Variants in SYCP2 observed in about 807,000 individuals in gnomAD.
The protein encoded by SYCP2 is synaptonemal complex protein 2.
Under a neutral mutation model 211.3 loss-of-function variants are expected in SYCP2, and 55 were observed. That is an observed-to-expected ratio of 0.26 (90% CI 0.21 to 0.33). The LOEUF is 0.33. SYCP2 is among the 10% of genes least tolerant of loss of function. The probability of loss-of-function intolerance (pLI) is 1.00; values close to 1 mark genes in which losing one functional copy is unlikely to be tolerated. For missense variants in SYCP2, 1,731 were observed against 1,752.0 expected, an observed-to-expected ratio of 0.99 and a Z score of 0.21; for synonymous variants, 570 against 555.2, an observed-to-expected ratio of 1.03 and a Z score of -0.37.
At chr20:59,903,865 C>T (rs1173567856) in intron 15 of SYCP2, among the ~76,000 whole-genome samples, 3 of 152,160 alleles carry the variant, frequency 2.0e-5, no homozygotes, top group Admixed American at 2.0e-4. Context: ...TGGAGACTTC[C>T]ACTTCTGGGG....
At chr20:59,928,535 T>C (rs772228323) in intron 2 of SYCP2, among the ~76,000 whole-genome samples, 2 of 152,104 alleles carry the variant, frequency 1.3e-5, no homozygotes, top group Non-Finnish European at 2.9e-5. Context: ...TTTTAAAATA[T>C]TAGAGAAGAA....
chr20:59,916,450 A>AT (rs1462775327), intron 8 of SYCP2, 36 bp downstream of exon 8: 1 of 1,280,066 alleles, frequency 7.8e-7, no homozygotes, highest in Non-Finnish European at 1.1e-6. Context: ...TCACGTTCTC[A>AT]TTTTTAGTTT....
intron 14 of SYCP2, among the ~76,000 whole-genome samples, chr20:59,909,023 C>G (rs981712955): frequency 2.0e-5 from 3 of 152,114 alleles, no homozygotes; most frequent in African/African-American, 7.2e-5. Context: ...TTTATTTAAC[C>G]TCCCCTCTCA....
At chr20:59,890,866 G>A (rs2059893003) in intron 24 of SYCP2, among the ~76,000 whole-genome samples, 1 of 151,708 alleles carries the variant, frequency 6.6e-6, no homozygotes, top group African/African-American at 2.4e-5. Context: ...CGGACAAAAA[G>A]AACCTTATTT....
chr20:59,923,839 G>C (rs1202733416), intron 2 of SYCP2, among the ~76,000 whole-genome samples: 1 of 151,146 alleles, frequency 6.6e-6, no homozygotes, highest in Non-Finnish European at 1.5e-5. Context: ...GAGAGAGAGA[G>C]AGAAACAGAA....
At chr20:59,915,635 A>G in intron 8 of SYCP2, 85 bp from the exon 9 acceptor site, 4 of 866,084 alleles carry the variant, frequency 4.6e-6, no homozygotes, top group East Asian at 2.5e-5. Flanking sequence ...TAAACTTAGA[A>G]GCCTAATTTT....
chr20:59,878,415 TTATGA>T (rs1293779163), intron 31 of SYCP2, among the ~76,000 whole-genome samples: 2 of 152,188 alleles, frequency 1.3e-5, no homozygotes, highest in Non-Finnish European at 2.9e-5. Flanking sequence ...AAAGTGTTTC[TTATGA>T]TATGAATTGC....
intron 31 of SYCP2, 23 bp downstream of exon 31, chr20:59,880,280 T>G: frequency 1.9e-6 from 3 of 1,540,548 alleles, no homozygotes; most frequent in Non-Finnish European, 2.6e-6. Context: ...TTTGCAACAT[T>G]TATCCAAAAG....
intron 1 of SYCP2, among the ~76,000 whole-genome samples, chr20:59,932,905 G>A (rs975540289): frequency 6.6e-6 from 1 of 152,100 alleles, no homozygotes; most frequent in Non-Finnish European, 1.5e-5. Flanking sequence ...GCAGGAGGAA[G>A]GTTTTGCGCG....
chr20:59,865,349 A>C (rs368930541), intron 44 of SYCP2, 39 bp downstream of exon 44: 8 of 1,511,474 alleles, frequency 5.3e-6, no homozygotes, highest in Non-Finnish European at 7.2e-6. Context: ...AAAAGACATT[A>C]AAGTATGATT....
At chr20:59,907,686 ATATT>A (rs549503482) in intron 14 of SYCP2, among the ~76,000 whole-genome samples, 13 of 152,178 alleles carry the variant, frequency 8.5e-5, no homozygotes, top group African/African-American at 2.9e-4. Context: ...TGTTAATATT[ATATT>A]TATTAGAGGA....
chr20:59,914,698 TTTAAG>T (rs907190525), intron 10 of SYCP2, among the ~76,000 whole-genome samples: 14 of 151,700 alleles, frequency 9.2e-5, no homozygotes, highest in Admixed American at 6.5e-4. Context: ...GAAAATAAAT[TTTAAG>T]TTATTTTAAT....
At chr20:59,868,700 C>A (rs1158721043) in intron 37 of SYCP2, 132 bp from the exon 38 acceptor site, 1 of 1,244,694 alleles carries the variant, frequency 8.0e-7, no homozygotes, top group South Asian at 1.6e-5. Context: ...ATTATGCATT[C>A]AATTCTACCT....
In SYCP2 at chr20:59,921,431, T is replaced by A; in HGVS notation, c.47A>T (p.Asp16Val). The part of the protein sequence containing the change: ...DLQQLEKCID[D>V]ALRKNDFKPL... ...TTTGAAATCATTTTTTCTTAAAGCA[T>A]CATCAATGCATTTTTCCAACTGCTA... is the stretch of plus-strand genomic sequence containing the variant. Residue 16 changes from aspartate (D) to valine (V), a missense_variant, in exon 4 of 45, where the codon GAT becomes GTT. Transcript: ENST00000357552. 2 of 1,603,228 alleles carry A rather than the reference T, an allele frequency of 1.2e-6. No individual in the cohort carries two copies. Among genetic ancestry groups the A allele is most frequent in the South Asian group, 1.1e-5 (1 of 89,860 alleles).
intron 19 of SYCP2, 87 bp from the exon 20 acceptor site, chr20:59,895,684 C>T (rs1329614749): frequency 6.9e-6 from 10 of 1,452,868 alleles, no homozygotes; most frequent in East Asian, 4.6e-5. Context: ...AGGTAAGAAA[C>T]GAACATTCTT....
intron 14 of SYCP2, among the ~76,000 whole-genome samples, chr20:59,908,629 T>A (rs553124989): frequency 5.4e-4 from 82 of 152,256 alleles, no homozygotes; most frequent in African/African-American, 1.9e-3. Context: ...GTTCACTTTT[T>A]AAAAAAACAC....
intron 35 of SYCP2, among the ~76,000 whole-genome samples, chr20:59,873,041 TTTC>T (rs1309608329): frequency 2.0e-5 from 3 of 152,114 alleles, no homozygotes; most frequent in African/African-American, 2.4e-5. Flanking sequence ...ATATGTATCA[TTTC>T]TTCTTAAAAT....
chr20:59,866,027 T>A (rs2059325448), intron 41 of SYCP2, among the ~76,000 whole-genome samples, 162 bp from the exon 42 acceptor site: 1 of 151,554 alleles, frequency 6.6e-6, no homozygotes. Context: ...GTTAAAAATA[T>A]TCCAGATGTC....
intron 2 of SYCP2, among the ~76,000 whole-genome samples, chr20:59,930,310 T>A (rs1410538068): frequency 1.3e-5 from 2 of 152,190 alleles, no homozygotes; most frequent in African/African-American, 4.8e-5. Context: ...AAGCCACAAT[T>A]GAATACAGAG....
Sources: gnomAD v4.1 joint callset for allele counts (sites outside exome capture counted in the v4.1 genomes callset) on GRCh38, gnomAD v4.1.1 for gene constraint, MANE v1.5 for transcripts, NCBI Gene and HGNC (gene_info 2026-07-23, HGNC 2026-07-21) for gene names.